The following LGSN variants were observed in gnomAD, a reference collection of about 807,000 sequenced individuals.
The protein encoded by LGSN is lengsin.
LGSN carries 21 observed loss-of-function variants against 19.5 expected under a neutral mutation model. The ratio of observed to expected loss-of-function variants is 1.07; its 90% CI spans 0.76 to 1.55. The LOEUF (loss-of-function observed/expected upper bound fraction) is 1.55. Among genes scored for constraint, LGSN ranks in the 40% most tolerant of loss-of-function variants. The pLI, the probability that LGSN is intolerant of heterozygous loss-of-function variation, is 0.00. For synonymous variants in LGSN, 257 were observed against 215.6 expected (o/e 1.19, Z -1.68); for missense variants, 673 against 608.5 (o/e 1.11, Z -1.12).
At position 63,280,324 on chromosome 6, in the gene LGSN, T is replaced by C. The variant is rs763833723; in HGVS notation, c.1227A>G (p.Leu409=). ...GEKGTRIENK[L]GSATANPYLV... ...AGTAAGGGTTTGCTGTTGCTGAGCC[T>C]AGTTTATTTTCTATCCGGGTGCCTT... The change falls in exon 4 of 4, where the codon CTA becomes CTG. Residue 409 remains leucine, a synonymous_variant. Transcript: ENST00000370657. 6.2e-7 allele frequency: 1 copy of C among 1,614,240 alleles called. No individual in the cohort carries two copies. The highest frequency in any genetic ancestry group is 1.1e-5 in the South Asian group (1 of 91,088).
the LGSN span, among the ~76,000 whole-genome samples, chr6:63,345,278 C>A: frequency 6.6e-6 from 1 of 151,924 alleles, no homozygotes. Flanking sequence ...TTTTTTATTT[C>A]TTCTCTTTTA....
the LGSN span, among the ~76,000 whole-genome samples, chr6:63,552,439 T>C: frequency 6.6e-6 from 1 of 152,238 alleles, no homozygotes; most frequent in African/African-American, 2.4e-5. Context: ...TATTAGCCCT[T>C]TGTCAGATGA....
chr6:63,456,980 A>T, the LGSN span, among the ~76,000 whole-genome samples: 1 of 152,140 alleles, frequency 6.6e-6, no homozygotes, highest in African/African-American at 2.4e-5. Flanking sequence ...CTGCTTCTCC[A>T]CCTTAATATG....
chr6:63,553,359 G>C, the LGSN span, among the ~76,000 whole-genome samples: 1 of 152,186 alleles, frequency 6.6e-6, no homozygotes, highest in Admixed American at 6.6e-5. Flanking sequence ...TGTGGTCACT[G>C]AATGATTTTC....
At chr6:63,403,506 A>G in the LGSN span, among the ~76,000 whole-genome samples, 3 of 152,298 alleles carry the variant, frequency 2.0e-5, no homozygotes, top group East Asian at 3.9e-4. Flanking sequence ...ATGAAATCCA[A>G]TGCAAGCAGA....
chr6:63,491,725 G>A, the LGSN span, among the ~76,000 whole-genome samples: 2 of 152,134 alleles, frequency 1.3e-5, no homozygotes, highest in Admixed American at 6.6e-5. Context: ...TGCTAGTGTG[G>A]TTTCACTATA....
At chr6:63,412,479 A>AAGAAGGAAAGAAAGAG in the LGSN span, among the ~76,000 whole-genome samples, 4 of 135,830 alleles carry the variant, frequency 2.9e-5, no homozygotes, top group African/African-American at 1.2e-4. Context: ...AGAGAGAAGA[A>AAGAAGGAAAGAAAGAG]AGAGAAGAAA....
chr6:63,327,694 C>G, the LGSN span, among the ~76,000 whole-genome samples: 1 of 152,218 alleles, frequency 6.6e-6, no homozygotes, highest in East Asian at 1.9e-4. Context: ...GACATTTACC[C>G]TGGCTTTTAA....
At chr6:63,499,053 T>A in the LGSN span, among the ~76,000 whole-genome samples, 1 of 152,158 alleles carries the variant, frequency 6.6e-6, no homozygotes, top group African/African-American at 2.4e-5. Flanking sequence ...GAAAAATGTA[T>A]AAAAGTCAAG....
At chr6:63,358,277 G>A in the LGSN span, among the ~76,000 whole-genome samples, 1 of 152,186 alleles carries the variant, frequency 6.6e-6, no homozygotes, top group African/African-American at 2.4e-5. Flanking sequence ...GATGCCTCCA[G>A]CTTTGTTCTT....
chr6:63,442,160 T>A, the LGSN span, among the ~76,000 whole-genome samples: 75 of 151,724 alleles, frequency 4.9e-4, no homozygotes, highest in African/African-American at 1.7e-3. Context: ...TCCCAATGCG[T>A]TTGTTCGTCC....
At chr6:63,557,889 C>T in the LGSN span, among the ~76,000 whole-genome samples, 1 of 151,578 alleles carries the variant, frequency 6.6e-6, no homozygotes, top group Non-Finnish European at 1.5e-5. Flanking sequence ...TGATACTGAA[C>T]ATATGCTTTT....
At chr6:63,542,025 GTGTGT>G in the LGSN span, among the ~76,000 whole-genome samples, 1 of 29,326 alleles carries the variant, frequency 3.4e-5, no homozygotes, top group Non-Finnish European at 1.1e-4. Context: ...AAACTGTGGT[GTGTGT>G]GTGTGTGTGT....
the LGSN span, among the ~76,000 whole-genome samples, chr6:63,413,414 A>G: frequency 2.0e-5 from 3 of 152,218 alleles, no homozygotes; most frequent in Non-Finnish European, 2.9e-5. Flanking sequence ...GCTGACATTT[A>G]TTACATAAAT....
the LGSN span, among the ~76,000 whole-genome samples, chr6:63,523,134 G>GA: frequency 6.6e-6 from 1 of 151,452 alleles, no homozygotes; most frequent in Admixed American, 6.6e-5. Flanking sequence ...CTAAAGTGTT[G>GA]AAATTACAGG....
At chr6:63,542,798 A>T in the LGSN span, among the ~76,000 whole-genome samples, 2 of 151,916 alleles carry the variant, frequency 1.3e-5, no homozygotes, top group Non-Finnish European at 2.9e-5. Flanking sequence ...CATCCTTTCC[A>T]TTGCTCTATA....
At chr6:63,406,299 T>A in the LGSN span, among the ~76,000 whole-genome samples, 1 of 152,028 alleles carries the variant, frequency 6.6e-6, no homozygotes, top group Admixed American at 6.6e-5. Context: ...TCAGCAAATG[T>A]AAAAGAACAG....
chr6:63,497,918 C>CTTTTTTTTTTTTTTTTTTTTTTT, the LGSN span, among the ~76,000 whole-genome samples: 1 of 121,906 alleles, frequency 8.2e-6, no homozygotes, highest in Non-Finnish European at 1.6e-5. Context: ...TGTCATGTTT[C>CTTTTTTTTTTTTTTTTTTTTTTT]TTTTTTTTTT....
At chr6:63,456,392 T>TATATATAC in the LGSN span, among the ~76,000 whole-genome samples, 1 of 117,594 alleles carries the variant, frequency 8.5e-6, no homozygotes, top group Non-Finnish European at 1.7e-5. Context: ...TATATATATA[T>TATATATAC]ACTTTTTTTT....
Sources: gnomAD v4.1 joint callset for allele counts (sites outside exome capture counted in the v4.1 genomes callset) on GRCh38, gnomAD v4.1.1 for gene constraint, MANE v1.5 for transcripts, NCBI Gene and HGNC (gene_info 2026-07-23, HGNC 2026-07-21) for gene names.